FGF10: variants seen among roughly 807,000 people sequenced by gnomAD.
The protein encoded by FGF10 is fibroblast growth factor 10.
A neutral mutation model predicts 19.8 loss-of-function variants in FGF10; 2 were observed. The observed-to-expected ratio is 0.10, with a 90% confidence interval of 0.04 to 0.32. The LOEUF (loss-of-function observed/expected upper bound fraction) is 0.32. FGF10 is among the 10% of genes least tolerant of loss of function. FGF10 has a pLI of 1.00. For synonymous variants in FGF10, 112 were observed against 94.0 expected (o/e 1.19, Z -1.10); for missense variants, 191 against 246.3 (o/e 0.78, Z 1.50).
chr5:44,332,875 A>G (rs1740769207), intron 1 of FGF10, among the ~76,000 whole-genome samples: 1 of 152,056 alleles, frequency 6.6e-6, no homozygotes, highest in African/African-American at 2.4e-5. Context: ...AGGAGGAGAG[A>G]AAAGGGCAAG....
intron 1 of FGF10, among the ~76,000 whole-genome samples, chr5:44,355,040 C>T (rs1741315680): frequency 6.6e-6 from 1 of 151,444 alleles, no homozygotes. Context: ...ATTCTCTTCG[C>T]ATGTACCTAG....
rs570153063 is a variant in FGF10 at position 44,302,642 on chromosome 5, G to C, written c.*2353C>G. 6.6e-6 allele frequency among the ~76,000 whole-genome samples: 1 copy of C among 152,268 alleles called. No homozygotes were observed. Among genetic ancestry groups the C allele is most frequent in the South Asian group, 2.1e-4 (1 of 4,828 alleles). ...AGTCTCCCAAACTGCTGGGATTACA[G>C]GTGTGAGCTACTGCACCAGGCAGGT... On this transcript the variant is annotated 3_prime_UTR_variant, in exon 3 of 3. Transcript: ENST00000264664.
At chr5:44,366,197 A>G (rs963679919) in intron 1 of FGF10, among the ~76,000 whole-genome samples, 1 of 146,230 alleles carries the variant, frequency 6.8e-6, no homozygotes, top group Admixed American at 7.1e-5. Flanking sequence ...ACCAATTAGA[A>G]TAATGAGGGC....
chr5:44,380,776 T>C (rs1239723960), intron 1 of FGF10, among the ~76,000 whole-genome samples: 1 of 152,126 alleles, frequency 6.6e-6, no homozygotes, highest in Non-Finnish European at 1.5e-5. Flanking sequence ...AGCCCAGGAA[T>C]TTGAGACAAG....
chr5:44,322,888 C>G (rs1740531409), intron 1 of FGF10, among the ~76,000 whole-genome samples: 1 of 151,832 alleles, frequency 6.6e-6, no homozygotes, highest in African/African-American at 2.4e-5. Context: ...ATAAAGTACG[C>G]AATAAAAGTA....
In FGF10 at chr5:44,388,398, G is replaced by C. The variant is rs1363470725; in HGVS notation, c.285C>G (p.Asn95Lys). 6.2e-7 allele frequency: 1 copy of C among 1,613,700 alleles called. No individual in the cohort carries two copies. The highest frequency in any genetic ancestry group is 8.5e-7 in the Non-Finnish European group (1 of 1,180,010). ...CCTTCTTGGTCCCGCTGACCTTCCC[G>C]TTCTTCTCAATCTTGAGAAAGTACT... is the stretch of plus-strand genomic sequence containing the variant. ...FTKYFLKIEK[N>K]GKVSGTKKEN... The change falls in exon 1 of 3, where the codon AAC (asparagine) becomes AAG (lysine). Residue 95 changes from asparagine to lysine, a missense_variant. Physicochemically the swap from Asn to Lys is moderately conservative, Grantham distance 94. Around this residue, in one of 2 missense-constraint regions of FGF10, gnomAD observed 99 missense variants for 161.7 expected, o/e 0.61. Coordinates refer to ENST00000264664, the MANE Select transcript of FGF10 (RefSeq NM_004465.2).
At chr5:44,314,279 A>G (rs1176664511) in intron 1 of FGF10, among the ~76,000 whole-genome samples, 1 of 152,140 alleles carries the variant, frequency 6.6e-6, no homozygotes, top group Admixed American at 6.6e-5. Context: ...AGTTTAGTAA[A>G]CATCTTGTGC....
At chr5:44,373,564 G>A (rs775980291) in intron 1 of FGF10, among the ~76,000 whole-genome samples, 63 of 151,998 alleles carry the variant, frequency 4.1e-4, no homozygotes, top group Non-Finnish European at 7.8e-4. Context: ...TTCATACAAC[G>A]TAGAACACAG....
Position 44,304,945 on chromosome 5 carries a change from C to T in FGF10, c.*50G>A. ...GTCTTCATGAAGAATATCCACTATT[C>T]TTGGCAAAAGAGCCATTGGTTCTAC... On this transcript the variant is annotated 3_prime_UTR_variant, in exon 3 of 3. Coordinates refer to ENST00000264664, the MANE Select transcript of FGF10 (RefSeq NM_004465.2). 1.3e-6 allele frequency: 2 copies of T among 1,549,430 alleles called. No homozygotes were observed. Among genetic ancestry groups the T allele is most frequent in the Middle Eastern group, 1.7e-4 (1 of 5,898 alleles).
At chr5:44,371,852 T>A (rs1268361692) in intron 1 of FGF10, among the ~76,000 whole-genome samples, 2 of 152,154 alleles carry the variant, frequency 1.3e-5, no homozygotes. Flanking sequence ...ATAGACGGAA[T>A]GAGAAAACAA....
At chr5:44,360,043 T>C (rs1741439298) in intron 1 of FGF10, among the ~76,000 whole-genome samples, 1 of 151,460 alleles carries the variant, frequency 6.6e-6, no homozygotes, top group Non-Finnish European at 1.5e-5. Context: ...ATCATCCCCA[T>C]CCTGACAGCA....
chr5:44,375,057 C>G (rs1443875701), intron 1 of FGF10, among the ~76,000 whole-genome samples: 2 of 152,114 alleles, frequency 1.3e-5, no homozygotes, highest in Non-Finnish European at 2.9e-5. Flanking sequence ...ATATTAATCA[C>G]CTTTCCAGAC....
intron 1 of FGF10, among the ~76,000 whole-genome samples, chr5:44,340,796 G>T (rs73089952): frequency 0.12 from 18,341 of 148,694 alleles, 2,741 homozygotes; most frequent in African/African-American, 0.35. Context: ...GAAGAAAAGA[G>T]AATTAGGAAT....
intron 1 of FGF10, among the ~76,000 whole-genome samples, chr5:44,334,887 A>C (rs1485922420): frequency 6.6e-6 from 1 of 152,158 alleles, no homozygotes; most frequent in East Asian, 1.9e-4. Flanking sequence ...GGAGAAAATC[A>C]TGAGTAAGCA....
In FGF10 at chr5:44,301,406, A is replaced by G. The variant is rs950213830; in HGVS notation, c.*3589T>C. 2.0e-5 allele frequency among the ~76,000 whole-genome samples: 3 copies of G among 152,186 alleles called. No individual in the cohort carries two copies. Among genetic ancestry groups the G allele is most frequent in the Non-Finnish European group, 4.4e-5 (3 of 68,020 alleles). ...AACTGTGCAGCATTAATGCTGATCT[A>G]TGTAAATTGGGTTCATAAACTTGCT... On this transcript the variant is annotated 3_prime_UTR_variant, in exon 3 of 3. Transcript: ENST00000264664.
At chr5:44,351,917 G>A (rs546216468) in intron 1 of FGF10, among the ~76,000 whole-genome samples, 2 of 151,500 alleles carry the variant, frequency 1.3e-5, no homozygotes, top group Non-Finnish European at 3.0e-5. Flanking sequence ...TACGTTTAAG[G>A]TCTGGATTTT....
intron 1 of FGF10, among the ~76,000 whole-genome samples, chr5:44,377,894 C>A (rs551161991): frequency 1.3e-5 from 2 of 152,186 alleles, no homozygotes; most frequent in South Asian, 4.1e-4. Flanking sequence ...TACATTGAAC[C>A]ATCAGAAAGC....
intron 1 of FGF10, among the ~76,000 whole-genome samples, chr5:44,371,826 A>G (rs1437058398): frequency 2.0e-5 from 3 of 152,172 alleles, no homozygotes; most frequent in African/African-American, 7.2e-5. Context: ...TTCATAGATT[A>G]TTTCATTTAA....
At chr5:44,385,830 G>A (rs767956659) in intron 1 of FGF10, among the ~76,000 whole-genome samples, 13 of 152,222 alleles carry the variant, frequency 8.5e-5, no homozygotes, top group Non-Finnish European at 1.3e-4. Flanking sequence ...GCTGGAAATC[G>A]TAGCAGCATT....
Sources: gnomAD v4.1 joint callset for allele counts (sites outside exome capture counted in the v4.1 genomes callset) on GRCh38, gnomAD v4.1.1 for gene constraint, gnomAD v4.1.1 regional missense constraint, MANE v1.5 for transcripts, NCBI Gene and HGNC (gene_info 2026-07-23, HGNC 2026-07-21) for gene names.